The following IGFBP2 variants were observed in gnomAD, a reference collection of about 807,000 sequenced individuals.
IGFBP2 encodes insulin like growth factor binding protein 2.
In IGFBP2, 12 loss-of-function variants were observed where a neutral mutation model predicts 26.2. The observed-to-expected ratio is 0.46, with a 90% CI of 0.29 to 0.74. The LOEUF (loss-of-function observed/expected upper bound fraction) is 0.74, where lower values mean the gene tolerates loss of function less well. Ranked by LOEUF, IGFBP2 falls within the 30% of genes least tolerant of loss-of-function variation. IGFBP2 has a pLI of 0.09. For missense variants in IGFBP2, 328 were observed against 441.2 expected, an observed-to-expected ratio of 0.74 and a Z score of 2.30; for synonymous variants, 189 against 200.6, an observed-to-expected ratio of 0.94 and a Z score of 0.49.
At chr2:216,657,442 CTG>C (rs1460481060) in intron 1 of IGFBP2, among the ~76,000 whole-genome samples, 3 of 152,282 alleles carry the variant, frequency 2.0e-5, no homozygotes, top group Non-Finnish European at 2.9e-5. Flanking sequence ...TTTCTGACCT[CTG>C]GGGTCCATCT....
chr2:216,646,424 C>G (rs1362488979), intron 1 of IGFBP2, among the ~76,000 whole-genome samples: 1 of 152,208 alleles, frequency 6.6e-6, no homozygotes, highest in Non-Finnish European at 1.5e-5. Flanking sequence ...TTTCTTGACT[C>G]TTAACCACTC....
chr2:216,657,713 C>T (rs1338176828), intron 1 of IGFBP2, among the ~76,000 whole-genome samples: 1 of 152,178 alleles, frequency 6.6e-6, no homozygotes, highest in Non-Finnish European at 1.5e-5. Flanking sequence ...GAGCAGGACT[C>T]CAACCTAGCC....
chr2:216,659,058 C>A (rs909823628), intron 1 of IGFBP2, among the ~76,000 whole-genome samples: 2 of 152,018 alleles, frequency 1.3e-5, no homozygotes, highest in Non-Finnish European at 2.9e-5. Context: ...ACCCTGGGGA[C>A]GGCGTGCTGG....
intron 1 of IGFBP2, chr2:216,659,856 A>G (rs1697998954): frequency 5.7e-6 from 5 of 878,420 alleles, no homozygotes; most frequent in South Asian, 5.6e-5. Context: ...AGGGAATGTC[A>G]GTGTGGCAGA....
chr2:216,657,954 A>G (rs1234895035), intron 1 of IGFBP2, among the ~76,000 whole-genome samples: 3 of 152,168 alleles, frequency 2.0e-5, no homozygotes, highest in Non-Finnish European at 4.4e-5. Flanking sequence ...GTCTTTTAAA[A>G]TGATGAATAG....
intron 1 of IGFBP2, among the ~76,000 whole-genome samples, chr2:216,655,413 A>C (rs978473684): frequency 2.0e-5 from 3 of 152,000 alleles, no homozygotes; most frequent in Non-Finnish European, 4.4e-5. Context: ...TTTTATAAGG[A>C]GCTCTTCCCC....
intron 1 of IGFBP2, among the ~76,000 whole-genome samples, chr2:216,654,727 C>T (rs1697886434): frequency 6.6e-6 from 1 of 152,214 alleles, no homozygotes; most frequent in Non-Finnish European, 1.5e-5. Flanking sequence ...CTTTAAAAGA[C>T]CTTGCATCAG....
At chr2:216,662,902 C>G (rs1321623987) in intron 3 of IGFBP2, 1 of 152,162 alleles carries the variant, frequency 6.6e-6, no homozygotes, top group Non-Finnish European at 1.5e-5. Context: ...TGGTCTTGAA[C>G]TCCTAACCTC....
chr2:216,641,265 C>T (rs112404191), intron 1 of IGFBP2, among the ~76,000 whole-genome samples: 2 of 152,174 alleles, frequency 1.3e-5, no homozygotes, highest in African/African-American at 4.8e-5. Context: ...GAAGGCCAAA[C>T]TGGAAAGGTC....
chr2:216,663,948 GTC>G lies in IGFBP2; in HGVS notation c.826_827del (p.Leu276GlufsTer36). On this transcript the variant is annotated frameshift_variant, in exon 4 of 4. Coordinates refer to ENST00000233809, the MANE Select transcript of IGFBP2 (RefSeq NM_000597.3). LOFTEE classifies it high-confidence loss of function. ...TTCTCCTCTCTCCCCAGTGCAAGAT[GTC>G]TCTGAACGGGCAGCGTGGGGAGTGC... ...GLYNLKQCKM[S>X]LNGQRGECWC... The G allele has an allele frequency of 1.2e-6, 2 of 1,614,034 alleles. No homozygotes were observed. Among genetic ancestry groups the G allele is most frequent in the Non-Finnish European group, 8.5e-7 (1 of 1,179,992 alleles).
Position 216,661,893 on chromosome 2 carries a change from G to A in IGFBP2, c.708G>A (p.Glu236=), listed in dbSNP as rs1688660061. Residue 236 remains glutamate, a synonymous_variant, in exon 3 of 4, where the codon GAG becomes GAA. Transcript: ENST00000233809. ...PCQQELDQVL[E]RISTMRLPDE... Reference sequence around the variant, plus strand: ...AACAGGAACTGGACCAGGTCCTGGAGCGGATCTCCACCATGCGCCTTCCGG... The same window carrying A: ...AACAGGAACTGGACCAGGTCCTGGAACGGATCTCCACCATGCGCCTTCCGG... 2 of 1,614,092 alleles carry A rather than the reference G, an allele frequency of 1.2e-6. No homozygotes were observed. Among genetic ancestry groups the A allele is most frequent in the African/African-American group, 1.3e-5 (1 of 74,936 alleles).
chr2:216,634,066 C>T, intron 1 of IGFBP2, 101 bp downstream of exon 1: 2 of 1,426,628 alleles, frequency 1.4e-6, no homozygotes, highest in Non-Finnish European at 1.8e-6. Flanking sequence ...GCGGCAGAGC[C>T]GAGACCTTGG....
chr2:216,636,911 A>ACAGGCAGGCAGGCAGG (rs770168119), intron 1 of IGFBP2, among the ~76,000 whole-genome samples: 1 of 116,290 alleles, frequency 8.6e-6, no homozygotes, highest in Non-Finnish European at 1.8e-5. Flanking sequence ...GGGCGGGCAG[A>ACAGGCAGGCAGGCAGG]CAGGCAGGCA....
chr2:216,641,803 C>T (rs1201351279), intron 1 of IGFBP2, among the ~76,000 whole-genome samples: 3 of 150,904 alleles, frequency 2.0e-5, no homozygotes, highest in Non-Finnish European at 2.9e-5. Flanking sequence ...CATTCTCCTG[C>T]CTCAGCCTCC....
intron 1 of IGFBP2, among the ~76,000 whole-genome samples, chr2:216,655,026 A>G (rs911671145): frequency 2.0e-5 from 3 of 152,190 alleles, no homozygotes; most frequent in African/African-American, 7.2e-5. Flanking sequence ...CTATAAAAAC[A>G]TATATTTTTA....
At chr2:216,643,333 A>G (rs1043591990) in intron 1 of IGFBP2, among the ~76,000 whole-genome samples, 3 of 152,114 alleles carry the variant, frequency 2.0e-5, no homozygotes, top group African/African-American at 7.2e-5. Context: ...CTGGGGCTCT[A>G]CCTAATGTCT....
chr2:216,640,293 T>C (rs1040595075), intron 1 of IGFBP2, among the ~76,000 whole-genome samples: 12 of 152,128 alleles, frequency 7.9e-5, no homozygotes, highest in African/African-American at 2.9e-4. Flanking sequence ...TGACTGGGCT[T>C]TGAGGGAAAG....
Position 216,661,708 on chromosome 2 carries a change from C to T in IGFBP2, c.673-150C>T. The T allele has an allele frequency of 4.6e-6, 4 of 864,692 alleles. No homozygotes were observed. The South Asian group carries it at 5.8e-5, about 13-fold the overall frequency. The allele number at this position is 864,692 out of a possible 1,614,324, so 53.6% of individuals were successfully genotyped here. A position where few individuals can be genotyped will look rare whatever the true frequency, so the allele number is the denominator to read the frequency against. On this transcript the variant is annotated intron_variant, in intron 2 of 3. Transcript: ENST00000233809. ...CATGGCAGGGAGATCCCCGGGCAGGCTGTCAGAAGTCCCTGTGCCCCCTGC... is the reference window on the plus strand; with the variant it reads ...CATGGCAGGGAGATCCCCGGGCAGGTTGTCAGAAGTCCCTGTGCCCCCTGC...
intron 1 of IGFBP2, among the ~76,000 whole-genome samples, chr2:216,651,227 G>C (rs1347044936): frequency 6.6e-6 from 1 of 152,046 alleles, no homozygotes; most frequent in Non-Finnish European, 1.5e-5. Context: ...CCTAACTTCT[G>C]CCTCCCTCCC....
Sources: allele counts gnomAD v4.1 joint callset (sites outside exome capture counted in the v4.1 genomes callset), GRCh38; gene constraint gnomAD v4.1.1; transcripts MANE v1.5; gene names NCBI Gene and HGNC (gene_info 2026-07-23, HGNC 2026-07-21).